Variants in NRXN3 observed in about 807,000 individuals in gnomAD.
NRXN3 encodes neurexin III.
NRXN3 carries 32 observed loss-of-function variants against 137.6 expected under a neutral mutation model. That is an observed-to-expected ratio of 0.23 (90% CI 0.18 to 0.31). The LOEUF is 0.31. NRXN3 is among the 10% of genes least tolerant of loss of function. The pLI is 1.00. For missense variants in NRXN3, 1,574 were observed against 2,062.5 expected, an observed-to-expected ratio of 0.76 and a Z score of 4.59; for synonymous variants, 798 against 784.5, an observed-to-expected ratio of 1.02 and a Z score of -0.29.
rs560905741 is a variant in NRXN3, at chr14:78,421,949, T to C, written c.757+124089T>C. The stretch of plus-strand genomic sequence containing the variant: ...TTTCTCTAGTGGCATGTTAATCTTA[T>C]GCAGTATTGGAATGGGAGCAGGCAG... On this transcript the variant is annotated intron_variant, in intron 4 of 20. Coordinates refer to ENST00000335750, the MANE Select transcript of NRXN3 (RefSeq NM_001330195.2). 7.2e-5 allele frequency among the ~76,000 whole-genome samples: 11 copies of C among 152,346 alleles called. No homozygotes were observed. The South Asian group carries it at 2.3e-3, about 32-fold the overall frequency.
At position 79,241,319 on chromosome 14, in the gene NRXN3, A is replaced by G. The variant is rs114611530; in HGVS notation, c.3263-225902A>G. 2.5e-3 allele frequency among the ~76,000 whole-genome samples: 385 copies of G among 152,308 alleles called. 4 individuals are homozygous for G. The highest frequency in any genetic ancestry group is 8.9e-3 in the African/African-American group (369 of 41,576). On this transcript the variant is annotated intron_variant, in intron 15 of 20. Coordinates refer to ENST00000335750, the MANE Select transcript of NRXN3 (RefSeq NM_001330195.2). ...AAGGTGGCTGTATTAGTCTGTTCTC[A>G]TGCTGCTAAAAAAGACATATCCAAG... is the stretch of plus-strand genomic sequence containing the variant.
intron 15 of NRXN3, among the ~76,000 whole-genome samples, chr14:79,049,106 T>C (rs1297358534): frequency 7.8e-6 from 1 of 128,098 alleles, no homozygotes; most frequent in African/African-American, 3.1e-5. Context: ...TATGATGGGG[T>C]GTGCTGCATT....
chr14:79,018,139 A>C (rs2099582443), intron 15 of NRXN3, among the ~76,000 whole-genome samples: 1 of 151,774 alleles, frequency 6.6e-6, no homozygotes, highest in Admixed American at 6.6e-5. Context: ...AGGCACCTGA[A>C]ATCCCAGCTA....
chr14:78,316,239 C>T (rs1042647676), intron 4 of NRXN3, among the ~76,000 whole-genome samples: 1 of 151,974 alleles, frequency 6.6e-6, no homozygotes, highest in African/African-American at 2.4e-5. Context: ...TAAAGGCTCC[C>T]CACCCCCACT....
chr14:78,600,176 C>G (rs1454797084), intron 4 of NRXN3, among the ~76,000 whole-genome samples: 1 of 152,146 alleles, frequency 6.6e-6, no homozygotes, highest in Non-Finnish European at 1.5e-5. Context: ...TGGAACCACT[C>G]TAGTACCTGA....
intron 16 of NRXN3, among the ~76,000 whole-genome samples, chr14:79,468,229 A>G (rs2096455708): frequency 6.6e-6 from 1 of 152,248 alleles, no homozygotes. Flanking sequence ...TTTAGAAGAA[A>G]AAATTCTTTT....
chr14:79,332,307 T>A (rs2091803369), intron 15 of NRXN3, among the ~76,000 whole-genome samples: 1 of 152,226 alleles, frequency 6.6e-6, no homozygotes, highest in African/African-American at 2.4e-5. Context: ...TTTAGCTTTT[T>A]GTGTAGCCTT....
chr14:79,676,420 T>G (rs1438745094), intron 17 of NRXN3, among the ~76,000 whole-genome samples: 2 of 152,078 alleles, frequency 1.3e-5, no homozygotes, highest in Non-Finnish European at 2.9e-5. Flanking sequence ...ATTTTTTGCT[T>G]TTTGGATTCC....
At chr14:79,052,256 A>G (rs1476529266) in intron 15 of NRXN3, among the ~76,000 whole-genome samples, 1 of 152,216 alleles carries the variant, frequency 6.6e-6, no homozygotes, top group Non-Finnish European at 1.5e-5. Flanking sequence ...CATCAGAATC[A>G]TGAAAAATGT....
intron 16 of NRXN3, among the ~76,000 whole-genome samples, chr14:79,608,748 A>G (rs1437606808): frequency 6.6e-6 from 1 of 152,176 alleles, no homozygotes; most frequent in African/African-American, 2.4e-5. Context: ...TTCCAAAGAC[A>G]TGTAAACTGA....
chr14:79,538,352 C>T (rs766661205), intron 16 of NRXN3, among the ~76,000 whole-genome samples: 21 of 152,184 alleles, frequency 1.4e-4, no homozygotes, highest in Non-Finnish European at 2.6e-4. Context: ...GTGTTTTAGA[C>T]ATGAAGTCCT....
chr14:79,657,942 A>G (rs2098514360), intron 16 of NRXN3, among the ~76,000 whole-genome samples: 1 of 152,170 alleles, frequency 6.6e-6, no homozygotes, highest in South Asian at 2.1e-4. Context: ...AATCACAACC[A>G]CACATTCTAA....
intron 15 of NRXN3, among the ~76,000 whole-genome samples, chr14:79,275,343 A>G (rs2080117110): frequency 6.6e-6 from 1 of 152,068 alleles, no homozygotes; most frequent in South Asian, 2.1e-4. Flanking sequence ...TTCACCGAAA[A>G]AGCTTAGGGC....
intron 4 of NRXN3, among the ~76,000 whole-genome samples, chr14:78,449,507 C>T (rs904271006): frequency 6.6e-6 from 1 of 152,356 alleles, no homozygotes. Context: ...AGCCACCGCA[C>T]CCAGCCTGTT....
intron 16 of NRXN3, among the ~76,000 whole-genome samples, chr14:79,559,021 G>A (rs1432189341): frequency 6.6e-6 from 1 of 151,958 alleles, no homozygotes; most frequent in Admixed American, 6.6e-5. Flanking sequence ...ACTCTTCTTA[G>A]CCTTCATAGA....
chr14:79,856,886 A>G (rs1384253931), intron 20 of NRXN3, among the ~76,000 whole-genome samples: 1 of 152,152 alleles, frequency 6.6e-6, no homozygotes, highest in East Asian at 1.9e-4. Flanking sequence ...AATCCTGCCA[A>G]AAAGGGGTAT....
chr14:79,369,607 C>T (rs180843004), intron 15 of NRXN3, among the ~76,000 whole-genome samples: 1 of 152,138 alleles, frequency 6.6e-6, no homozygotes. Context: ...CGGTGTGGGC[C>T]CATTTATTCT....
rs116799858 is a variant in NRXN3, at chr14:78,795,242, C to T, written c.2045-8378C>T. 7.7e-3 allele frequency among the ~76,000 whole-genome samples: 1,176 copies of T among 152,260 alleles called. 16 individuals are homozygous for T. The highest frequency in any genetic ancestry group is 0.027 in the African/African-American group (1,120 of 41,560). On this transcript the variant is annotated intron_variant, in intron 8 of 20. Coordinates refer to ENST00000335750, the MANE Select transcript of NRXN3 (RefSeq NM_001330195.2). Reference sequence around the variant, plus strand: ...TTTATTTTTAAGGGAATTTAAGCATCGTACAGATAAAAGAAACATACATAA... The same window carrying T: ...TTTATTTTTAAGGGAATTTAAGCATTGTACAGATAAAAGAAACATACATAA...
intron 15 of NRXN3, among the ~76,000 whole-genome samples, chr14:79,224,005 G>A (rs1196286142): frequency 1.3e-5 from 2 of 151,936 alleles, no homozygotes; most frequent in African/African-American, 4.8e-5. Context: ...TTATTCTCAG[G>A]TGGAAAAAAG....
Sources: allele counts gnomAD v4.1 joint callset (sites outside exome capture counted in the v4.1 genomes callset), GRCh38; gene constraint gnomAD v4.1.1; transcripts MANE v1.5; gene names NCBI Gene and HGNC (gene_info 2026-07-23, HGNC 2026-07-21).